The following DHX36 variants were observed in gnomAD, a reference collection of about 807,000 sequenced individuals.
DHX36 encodes DEAH-box helicase 36, also known as ATP-dependent DNA/RNA helicase DHX36.
Under a neutral mutation model 139.0 loss-of-function variants are expected in DHX36, and 50 were observed. The ratio of observed to expected loss-of-function variants is 0.36; its 90% CI spans 0.29 to 0.46. The LOEUF (loss-of-function observed/expected upper bound fraction) is 0.46. DHX36 is among the 20% of genes least tolerant of loss of function. DHX36 has a pLI of 1.00. For synonymous variants in DHX36, 425 were observed against 401.9 expected, an observed-to-expected ratio of 1.06 and a Z score of -0.69; for missense variants, 1,024 against 1,211.3, an observed-to-expected ratio of 0.85 and a Z score of 2.29.
chr3:154,310,807 ATATATATATATATATATATATATATATAT>A (rs1712719950), intron 4 of DHX36, among the ~76,000 whole-genome samples: 1 of 7,052 alleles, frequency 1.4e-4, no homozygotes, highest in Non-Finnish European at 2.3e-4. Context: ...AAAAAAAAAA[ATATATATATATATATATATATATATATAT>A]ATATATATAT....
Position 154,306,350 on chromosome 3 carries a change from T to C in DHX36, c.814-55A>G, listed in dbSNP as rs561601717. 1.1e-5 allele frequency: 16 copies of C among 1,418,516 alleles called. No individual in the cohort carries two copies. In the East Asian group the frequency reaches 1.4e-4, roughly 12 times the overall value. The allele number at this position is 1,418,516 out of a possible 1,614,324, so 87.9% of individuals were successfully genotyped here. A position where few individuals can be genotyped will look rare whatever the true frequency, so the allele number is the denominator to read the frequency against. ...ATAATTTCCTTTAGAACAAATATCC[T>C]GAATGTCCATGAAAATCTAGGACTG... On this transcript the variant is annotated intron_variant, in intron 5 of 24. Transcript: ENST00000496811.
chr3:154,304,465 T>A (rs1026902462), intron 8 of DHX36, among the ~76,000 whole-genome samples: 3 of 152,198 alleles, frequency 2.0e-5, no homozygotes, highest in Non-Finnish European at 4.4e-5. Context: ...TCACTAGCAG[T>A]ATTAGCAGCA....
chr3:154,310,438 G>C (rs746663024), intron 4 of DHX36, among the ~76,000 whole-genome samples: 1 of 151,536 alleles, frequency 6.6e-6, no homozygotes, highest in Non-Finnish European at 1.5e-5. Flanking sequence ...GGGATGTTAG[G>C]GGTTATTTTC....
At chr3:154,311,012 A>G (rs1274135637) in intron 4 of DHX36, among the ~76,000 whole-genome samples, 1 of 151,024 alleles carries the variant, frequency 6.6e-6, no homozygotes, top group African/African-American at 2.4e-5. Context: ...ATTTACTGGA[A>G]GTCTTTAGAA....
chr3:154,296,530 A>T (rs758633679), intron 12 of DHX36, among the ~76,000 whole-genome samples: 43 of 152,326 alleles, frequency 2.8e-4, no homozygotes, highest in Non-Finnish European at 5.0e-4. Flanking sequence ...CATTTTACAC[A>T]TATTTTGTTA....
At chr3:154,283,477 T>A (rs1297607695) in intron 19 of DHX36, among the ~76,000 whole-genome samples, 1 of 152,074 alleles carries the variant, frequency 6.6e-6, no homozygotes, top group East Asian at 1.9e-4. Context: ...ACCACTGAAG[T>A]TCCAGACCTT....
At position 154,305,132 on chromosome 3, in the gene DHX36, A is replaced by G. The variant is rs1712449734; in HGVS notation, c.930T>C (p.Cys310=). The part of the protein sequence containing the change: ...LPRKQGSILY[C]TTGIILQWLQ... ...GCCACTGAAGGATGATTCCTGTTGT[A>G]CAGTATAAGATAGAACCCTGTTTCC... The change falls in exon 7 of 25, where the codon TGT becomes TGC. Residue 310 remains cysteine (C), a synonymous_variant. Coordinates refer to ENST00000496811, the MANE Select transcript of DHX36 (RefSeq NM_020865.3). 2 of 1,613,696 alleles carry G rather than the reference A, an allele frequency of 1.2e-6. No homozygotes were observed. Among genetic ancestry groups the G allele is most frequent in the Non-Finnish European group, 1.7e-6 (2 of 1,179,920 alleles).
Position 154,292,611 on chromosome 3 carries a change from G to C in DHX36, c.1754C>G (p.Thr585Arg). The C allele has an allele frequency of 6.2e-7, 1 of 1,613,890 alleles. No individual in the cohort carries two copies. The highest frequency in any genetic ancestry group is 1.3e-5 in the African/African-American group (1 of 74,926). ...TTTACTAACCCACTCAGCGGACATT[G>C]TACTGATATTGTTCTGAGTATCAAA... ...THFDTQNNIS[T>R]MSAEWVSKAN... Residue 585 changes from threonine to arginine, a missense_variant, in exon 15 of 25, where the codon ACA becomes AGA. Coordinates refer to ENST00000496811, the MANE Select transcript of DHX36 (RefSeq NM_020865.3).
chr3:154,283,240 C>T lies in DHX36; in HGVS notation c.2324G>A (p.Arg775Lys), dbSNP rs1477564808. The change falls in exon 20 of 25, where the codon AGA becomes AAA. Residue 775 changes from arginine (R) to lysine (K), a missense_variant. By Grantham distance (26) the Arg-to-Lys change is conservative. This residue lies in a region of DHX36 where 470 missense variants were observed against 616.2 expected (regional missense o/e 0.76). Coordinates refer to ENST00000496811, the MANE Select transcript of DHX36 (RefSeq NM_020865.3). Reference sequence around the variant, plus strand: ...TTCCCAGCAATAGTCCTTTTCGTATCTGAAACCACGTCGCCTAGCCTCTTC... The same window carrying T: ...TTCCCAGCAATAGTCCTTTTCGTATTTGAAACCACGTCGCCTAGCCTCTTC... The part of the protein sequence containing the change: ...GWEEARRRGF[R>K]YEKDYCWEYF... 3 of 1,613,862 alleles carry T rather than the reference C, an allele frequency of 1.9e-6. No homozygotes were observed. The highest frequency in any genetic ancestry group is 2.2e-5 in the South Asian group (2 of 91,072).
chr3:154,292,811 C>A, intron 14 of DHX36, 117 bp from the exon 15 acceptor site: 2 of 1,423,866 alleles, frequency 1.4e-6, no homozygotes, highest in Non-Finnish European at 1.8e-6. Flanking sequence ...TATTTCAGAG[C>A]ATTTTTTTTT....
Position 154,284,958 on chromosome 3 carries a change from T to A in DHX36, c.2061A>T (p.Thr687=), listed in dbSNP as rs1711506728. 2 of 1,613,986 alleles carry A rather than the reference T, an allele frequency of 1.2e-6. No homozygotes were observed. Among genetic ancestry groups the A allele is most frequent in the Middle Eastern group, 1.6e-4 (1 of 6,082 alleles). Residue 687 remains threonine, a synonymous_variant, in exon 18 of 25, where the codon ACA becomes ACT. Transcript: ENST00000496811. ...ATCGTGCCAAGTGGACTCCAAGAGG[T>A]GTCAATTCTTCTTGTTTATCCAAAG... The part of the protein sequence containing the change: ...LNALDKQEEL[T]PLGVHLARLP...
At chr3:154,296,871 T>TA (rs1282166333) in intron 12 of DHX36, among the ~76,000 whole-genome samples, 1 of 152,192 alleles carries the variant, frequency 6.6e-6, no homozygotes, top group African/African-American at 2.4e-5. Context: ...CTGATGTTGC[T>TA]AAAAAAGAAT....
chr3:154,286,511 T>G (rs904257108), intron 17 of DHX36, among the ~76,000 whole-genome samples: 11 of 150,952 alleles, frequency 7.3e-5, no homozygotes, highest in African/African-American at 2.7e-4. Context: ...ACCACTAACC[T>G]AGAAGATTAG....
intron 23 of DHX36, 58 bp downstream of exon 23, chr3:154,277,540 C>A: frequency 3.4e-6 from 5 of 1,488,972 alleles, no homozygotes; most frequent in Admixed American, 2.1e-5. Context: ...ACTACACAAT[C>A]ATAAAAATAC....
In DHX36 at chr3:154,324,263, G is replaced by GGCCCCTGCCGCCTCGACC. The variant is rs1175113800; in HGVS notation, c.136_153dup (p.Gly46_Gly51dup). 6.2e-7 allele frequency: 1 copy of GGCCCCTGCCGCCTCGACC among 1,613,468 alleles called. No individual in the cohort carries two copies. On this transcript the variant is annotated inframe_insertion, in exon 1 of 25. Coordinates refer to ENST00000496811, the MANE Select transcript of DHX36 (RefSeq NM_020865.3). ...CGGCCTTTCAGGTGCCCGGGATGCC[G>GGCCCCTGCCGCCTCGACC]GCCCCTGCCGCCTCGACCACCCCCT...
At chr3:154,315,382 T>C (rs1712940997) in intron 2 of DHX36, 102 bp from the exon 3 acceptor site, 1 of 739,006 alleles carries the variant, frequency 1.4e-6, no homozygotes, top group Non-Finnish European at 2.1e-6. Flanking sequence ...TTCAAAGTCA[T>C]CCAAATCCAA....
rs748525457 is a variant in DHX36, at chr3:154,284,589, C to T, written c.2286G>A (p.Ala762=). Residue 762 remains alanine (A), a synonymous_variant, in exon 19 of 25, where the codon GCG becomes GCA. Transcript: ENST00000496811. ...CAAAATTTTTTTTTTTTACCTCAAACGCATTCACAACTGTTAAGTGATCAC... is the reference window on the plus strand; with the variant it reads ...CAAAATTTTTTTTTTTTACCTCAAATGCATTCACAACTGTTAAGTGATCAC... ...TRSDHLTVVN[A]FEGWEEARRR... 1.4e-5 allele frequency: 22 copies of T among 1,598,518 alleles called. No homozygotes were observed. Among genetic ancestry groups the T allele is most frequent in the Middle Eastern group, 3.4e-4 (2 of 5,966 alleles).
chr3:154,316,196 A>G (rs1303853309), intron 1 of DHX36, 33 bp from the exon 2 acceptor site: 1 of 1,609,106 alleles, frequency 6.2e-7, no homozygotes, highest in African/African-American at 1.3e-5. Flanking sequence ...CATCCTTGTC[A>G]ACATAAGAAA....
At position 154,316,129 on chromosome 3, in the gene DHX36, T is replaced by G. The variant is rs770117599; in HGVS notation, c.278A>C (p.Glu93Ala). 1 of 1,613,392 alleles carries G rather than the reference T, an allele frequency of 6.2e-7. No homozygotes were observed. The highest frequency in any genetic ancestry group is 2.2e-5 in the East Asian group (1 of 44,822). ...AVVHMDERREEQIVQLLNSVQ... is the reference protein window; with the variant it reads ...AVVHMDERREAQIVQLLNSVQ... ...AGAATTCAGTAACTGTACAATTTGT[T>G]CTTCTCGTCGTTCATCCATGTGTAC... Residue 93 changes from glutamate (E) to alanine (A), a missense_variant, in exon 2 of 25, where the codon GAA becomes GCA. By Grantham distance (107) the Glu-to-Ala change is moderately radical. This residue lies in a region of DHX36 where 293 missense variants were observed against 274.4 expected (regional missense o/e 1.07). Coordinates refer to ENST00000496811, the MANE Select transcript of DHX36 (RefSeq NM_020865.3).
Sources: allele counts gnomAD v4.1 joint callset (sites outside exome capture counted in the v4.1 genomes callset), GRCh38; gene constraint gnomAD v4.1.1; regional missense constraint gnomAD v4.1.1; transcripts MANE v1.5; gene names NCBI Gene and HGNC (gene_info 2026-07-23, HGNC 2026-07-21).